Variants in NBPF12 observed in about 807,000 individuals in gnomAD.
NBPF12 encodes the protein NBPF family member NBPF12.
Under a neutral mutation model 146.4 loss-of-function variants are expected in NBPF12, and 115 were observed. That is an observed-to-expected ratio of 0.79 (90% CI 0.68 to 0.92). The LOEUF (loss-of-function observed/expected upper bound fraction) is 0.92. Ranked by LOEUF, NBPF12 falls within the 40% of genes least tolerant of loss-of-function variation. The pLI, the probability that NBPF12 is intolerant of heterozygous loss-of-function variation, is 0.00. For synonymous variants in NBPF12, 385 were observed against 508.9 expected (o/e 0.76, Z 3.28); for missense variants, 1,205 against 1,326.8 (o/e 0.91, Z 1.43).
exon 4 of NBPF12, chr1:146,960,269 T>C (rs1277416669): frequency 1.6e-5 from 23 of 1,402,626 alleles, no homozygotes; most frequent in Non-Finnish European, 2.2e-5. Context: ...AAGAGAGATG[T>C]TTTCTAACTC....
chr1:146,975,513 C>A (rs1451746300), intron 15 of NBPF12, among the ~76,000 whole-genome samples, 164 bp from the exon 19 acceptor site: 2 of 147,302 alleles, frequency 1.4e-5, no homozygotes, highest in African/African-American at 5.2e-5. Context: ...GCCTGTAAAC[C>A]ATTTTCTATT....
At chr1:146,953,992 G>A (rs1284734842) in intron 2 of NBPF12, among the ~76,000 whole-genome samples, 4 of 147,806 alleles carry the variant, frequency 2.7e-5, no homozygotes, top group East Asian at 2.1e-4. Flanking sequence ...AGCTCTCAAT[G>A]TAAGTGGTCT....
At chr1:146,976,817 A>T in intron 16 of NBPF12, 112 bp from the exon 20 acceptor site, 1 of 562,384 alleles carries the variant, frequency 1.8e-6, no homozygotes. Flanking sequence ...GAGAGTTTTC[A>T]GTTGAACGGT....
chr1:146,951,308 C>G, intron 1 of NBPF12, 40 bp from the exon 5 acceptor site: 1 of 689,504 alleles, frequency 1.5e-6, no homozygotes, highest in Non-Finnish European at 2.6e-6. Context: ...AAACCTTTTC[C>G]TCTGGGGAGG....
At chr1:146,949,030 C>G (rs1177172562), upstream of NBPF12, among the ~76,000 whole-genome samples, 28 of 152,032 alleles carry the variant, frequency 1.8e-4, no homozygotes, top group African/African-American at 6.5e-4. Flanking sequence ...ACGTGTTTAC[C>G]TGCTGATCTT....
intron 31 of NBPF12, among the ~76,000 whole-genome samples, chr1:146,992,455 T>TCTCC (rs1658238006): frequency 9.5e-6 from 1 of 105,052 alleles, no homozygotes; most frequent in Non-Finnish European, 1.9e-5. Context: ...TCTCTCTCTC[T>TCTCC]CTCTCTCTGT....
intron 6 of NBPF12, among the ~76,000 whole-genome samples, chr1:146,964,015 T>C (rs1191414167): frequency 1.5e-5 from 2 of 129,626 alleles, no homozygotes; most frequent in Non-Finnish European, 3.2e-5. Context: ...AAATGCGAAC[T>C]GTGACAGGAC....
chr1:146,967,459 C>A (rs1368193580), intron 9 of NBPF12, among the ~76,000 whole-genome samples: 1 of 149,284 alleles, frequency 6.7e-6, no homozygotes. Context: ...CAAGATTTTG[C>A]CATTGCACTC....
chr1:146,992,470 G>T (rs1322202791), intron 31 of NBPF12, among the ~76,000 whole-genome samples: 21 of 85,372 alleles, frequency 2.5e-4, no homozygotes, highest in Admixed American at 7.4e-4. Flanking sequence ...CTCTGTGTGT[G>T]TGTGTGTGTG....
chr1:146,971,661 G>T (rs1210558395), intron 13 of NBPF12, among the ~76,000 whole-genome samples: 1 of 150,152 alleles, frequency 6.7e-6, no homozygotes, highest in South Asian at 2.1e-4. Flanking sequence ...ATGGTGCTGC[G>T]TGCCTATAGT....
upstream of NBPF12, among the ~76,000 whole-genome samples, chr1:146,945,348 G>A (rs1553883266): frequency 0.15 from 21,927 of 150,392 alleles, 1,944 homozygotes; most frequent in Admixed American, 0.27. Flanking sequence ...CTGAGTCTCA[G>A]TGGTTCCTAG....
exon 2 of NBPF12, chr1:146,943,368 TATC>T (rs2101808128): frequency 3.1e-6 from 1 of 321,818 alleles, no homozygotes; most frequent in African/African-American, 2.2e-5. Flanking sequence ...GATTGTCCCT[TATC>T]ATTCTCCTGA....
At chr1:146,953,332 T>C (rs1248100401) in intron 2 of NBPF12, among the ~76,000 whole-genome samples, 2 of 142,294 alleles carry the variant, frequency 1.4e-5, no homozygotes, top group African/African-American at 5.4e-5. Flanking sequence ...CCTGTTGGAG[T>C]CACCATAGTG....
chr1:146,978,378 C>A (rs1245828413), intron 18 of NBPF12, among the ~76,000 whole-genome samples: 17 of 145,430 alleles, frequency 1.2e-4, no homozygotes, highest in African/African-American at 4.3e-4. Context: ...GATTCTCCTG[C>A]CTCAGCCTCC....
chr1:146,981,245 G>A (rs1355052928), intron 19 of NBPF12, among the ~76,000 whole-genome samples: 6 of 128,350 alleles, frequency 4.7e-5, no homozygotes, highest in South Asian at 2.4e-4. Flanking sequence ...TAAGCTGCAC[G>A]TTGTGCACAT....
At position 146,959,242 on chromosome 1, in the gene NBPF12, G is replaced by A. The variant is rs1408554782; in HGVS notation, c.-183-617G>A. 5.0e-5 allele frequency among the ~76,000 whole-genome samples: 3 copies of A among 59,962 alleles called. 1 individual carries two copies. Among genetic ancestry groups the A allele is most frequent in the Non-Finnish European group, 9.3e-5 (3 of 32,338 alleles). 39.3% of individuals were successfully genotyped at this position (59,962 alleles called of 152,430 possible). ...TGTAATCCCAGCACTTTTGGAGGCC[G>A]AGGCGGCAGATCACGAGGTCAGGAG... On this transcript the variant is annotated intron_variant, in intron 2 of 33. Transcript: ENST00000617844.
At chr1:146,941,374 T>G (rs2474003) in intron 1 of NBPF12, among the ~76,000 whole-genome samples, 2 of 151,926 alleles carry the variant, frequency 1.3e-5, no homozygotes. Flanking sequence ...CATGAGCTAC[T>G]GCACCCGGCC....
rs1200619375 is a variant in NBPF12, at chr1:146,984,329, C to T, written c.2666+144C>T. The T allele has an allele frequency of 5.3e-3, 3,514 of 661,148 alleles. 55 individuals carry two copies. The highest frequency in any genetic ancestry group is 0.037 in the South Asian group (2,069 of 56,670). The allele number at this position is 661,148 out of a possible 1,614,324, so 41.0% of individuals were successfully genotyped here. On this transcript the variant is annotated intron_variant, in intron 21 of 33. Coordinates refer to ENST00000617844, the Ensembl canonical transcript of NBPF12. ...GCCTACTGCATTGTTTTTTGGTTCTCATTAGAGTAAATGTTTAGGTTTCCA... is the reference window on the plus strand; with the variant it reads ...GCCTACTGCATTGTTTTTTGGTTCTTATTAGAGTAAATGTTTAGGTTTCCA...
In NBPF12 at chr1:146,970,981, G is replaced by T. The variant is rs1570860823; in HGVS notation, c.1380-202G>T. 2.0e-5 allele frequency among the ~76,000 whole-genome samples: 3 copies of T among 151,478 alleles called. No homozygotes were observed. The East Asian group carries it at 5.8e-4, about 29-fold the overall frequency. On this transcript the variant is annotated intron_variant, in intron 12 of 33. Transcript: ENST00000617844. ...TTGTCCAGTGCACTGAACACCAGCT[G>T]CTCTCTTCCTCTCTGGCTCCCATGG...
Sources: allele counts gnomAD v4.1 joint callset (sites outside exome capture counted in the v4.1 genomes callset), GRCh38; gene constraint gnomAD v4.1.1; transcripts MANE v1.5; gene names NCBI Gene and HGNC (gene_info 2026-07-23, HGNC 2026-07-21).